The following CMTM8 variants were observed in gnomAD, a reference collection of about 807,000 sequenced individuals.
The protein encoded by CMTM8 is CKLF like MARVEL transmembrane domain containing 8, also known as CKLF-like MARVEL transmembrane domain-containing protein 8.
A neutral mutation model predicts 18.6 loss-of-function variants in CMTM8; 12 were observed. The ratio of observed to expected loss-of-function variants is 0.65; its 90% CI spans 0.41 to 1.05. CMTM8 has a LOEUF of 1.05. Among genes scored for constraint, CMTM8 ranks in the 50% least tolerant of loss-of-function variants. The pLI is 0.00. For synonymous variants in CMTM8, 87 were observed against 90.6 expected (o/e 0.96, Z 0.23); for missense variants, 217 against 227.2 (o/e 0.95, Z 0.29).
At chr3:32,369,531 A>T (rs1695606815) in intron 3 of CMTM8, among the ~76,000 whole-genome samples, 2 of 152,038 alleles carry the variant, frequency 1.3e-5, no homozygotes, top group African/African-American at 4.8e-5. Flanking sequence ...CGACTCATTT[A>T]TGTGAACTGA....
intron 1 of CMTM8, among the ~76,000 whole-genome samples, chr3:32,281,995 G>A (rs373427814): frequency 6.6e-6 from 1 of 151,556 alleles, no homozygotes; most frequent in African/African-American, 2.4e-5. Context: ...CCTCTTTTCC[G>A]TCTACACTCA....
In CMTM8 at chr3:32,288,861, T is replaced by C. The variant is rs377688662; in HGVS notation, c.147+49742T>C. 2.0e-4 allele frequency among the ~76,000 whole-genome samples: 31 copies of C among 152,300 alleles called. No homozygotes were observed. In the East Asian group the frequency reaches 2.1e-3, roughly 10 times the overall value. ...TGAGCTATCTCAGTCGAATTTCCTA[T>C]AACTATGAATTAGTTGAGGTACATG... On this transcript the variant is annotated intron_variant, in intron 1 of 3. Transcript: ENST00000307526.
chr3:32,275,907 C>T (rs1391116756), intron 1 of CMTM8, among the ~76,000 whole-genome samples: 1 of 152,114 alleles, frequency 6.6e-6, no homozygotes, highest in Non-Finnish European at 1.5e-5. Context: ...GACTCAGCCT[C>T]CCAAAGTCTG....
chr3:32,332,695 C>T (rs766116112), intron 1 of CMTM8, among the ~76,000 whole-genome samples: 4 of 152,122 alleles, frequency 2.6e-5, no homozygotes, highest in South Asian at 2.1e-4. Flanking sequence ...AGAGACCACT[C>T]GATGGGGCCT....
intron 1 of CMTM8, among the ~76,000 whole-genome samples, chr3:32,336,180 A>G (rs1051120307): frequency 2.0e-5 from 3 of 152,202 alleles, no homozygotes; most frequent in Non-Finnish European, 2.9e-5. Flanking sequence ...CAGTTGTACA[A>G]TTGCATCTGA....
intron 1 of CMTM8, among the ~76,000 whole-genome samples, chr3:32,310,822 A>G (rs533300801): frequency 6.6e-6 from 1 of 152,370 alleles, no homozygotes; most frequent in Non-Finnish European, 1.5e-5. Flanking sequence ...GAAATTTGGA[A>G]ATACACAAAG....
At chr3:32,351,427 G>C (rs1166726337) in intron 1 of CMTM8, among the ~76,000 whole-genome samples, 1 of 152,178 alleles carries the variant, frequency 6.6e-6, no homozygotes, top group African/African-American at 2.4e-5. Flanking sequence ...AATTATGTCG[G>C]CCAGGCATGG....
chr3:32,368,330 C>T (rs1441970203), intron 3 of CMTM8, among the ~76,000 whole-genome samples: 2 of 151,856 alleles, frequency 1.3e-5, no homozygotes, highest in Non-Finnish European at 2.9e-5. Flanking sequence ...AATATAATTC[C>T]ATTTAGTTTT....
intron 1 of CMTM8, among the ~76,000 whole-genome samples, chr3:32,329,689 T>C (rs1229460305): frequency 6.6e-6 from 1 of 152,206 alleles, no homozygotes; most frequent in African/African-American, 2.4e-5. Flanking sequence ...AAAAGCTTTT[T>C]GTCTAAGACT....
At chr3:32,256,984 G>A (rs1405921799) in intron 1 of CMTM8, among the ~76,000 whole-genome samples, 2 of 152,098 alleles carry the variant, frequency 1.3e-5, no homozygotes, top group Admixed American at 6.5e-5. Context: ...TTTTGAAATT[G>A]TTTCCCTATC....
At chr3:32,292,461 CA>C (rs1269164718) in intron 1 of CMTM8, among the ~76,000 whole-genome samples, 1 of 152,126 alleles carries the variant, frequency 6.6e-6, no homozygotes, top group Non-Finnish European at 1.5e-5. Flanking sequence ...ATTCAATTTT[CA>C]AATAGGCATA....
chr3:32,278,422 C>T (rs1702551627), intron 1 of CMTM8, among the ~76,000 whole-genome samples: 1 of 152,168 alleles, frequency 6.6e-6, no homozygotes, highest in African/African-American at 2.4e-5. Context: ...CTCCAGTCTT[C>T]CCGTAATTGA....
chr3:32,366,728 A>G (rs6550123), intron 2 of CMTM8, among the ~76,000 whole-genome samples: 84,207 of 151,744 alleles, frequency 0.55, 23,631 homozygotes, highest in East Asian at 0.75. Flanking sequence ...TACCAGTAAG[A>G]GCTTTTGTGT....
intron 1 of CMTM8, among the ~76,000 whole-genome samples, chr3:32,242,427 T>A (rs1405174226): frequency 6.6e-6 from 1 of 152,078 alleles, no homozygotes; most frequent in Admixed American, 6.5e-5. Flanking sequence ...GCTCAAGTGA[T>A]CCTCCCACCT....
intron 1 of CMTM8, among the ~76,000 whole-genome samples, chr3:32,331,121 A>G (rs1696266012): frequency 6.6e-6 from 1 of 152,224 alleles, no homozygotes; most frequent in African/African-American, 2.4e-5. Flanking sequence ...CTCAACAACA[A>G]CAACAATAAA....
intron 1 of CMTM8, among the ~76,000 whole-genome samples, chr3:32,273,647 A>G (rs1259328628): frequency 1.3e-5 from 2 of 152,226 alleles, no homozygotes; most frequent in African/African-American, 4.8e-5. Context: ...ACATGCATAG[A>G]AACAGCAAGT....
chr3:32,272,160 G>T (rs139749305), intron 1 of CMTM8, among the ~76,000 whole-genome samples: 141 of 152,172 alleles, frequency 9.3e-4, no homozygotes, highest in African/African-American at 3.3e-3. Flanking sequence ...TATCTTACTG[G>T]TCTCCATGGT....
chr3:32,244,999 C>G (rs1701991353), intron 1 of CMTM8, among the ~76,000 whole-genome samples: 1 of 152,108 alleles, frequency 6.6e-6, no homozygotes, highest in Admixed American at 6.5e-5. Context: ...AAATAACGTA[C>G]TGTGTTTTAT....
At chr3:32,288,666 A>C (rs1702725862) in intron 1 of CMTM8, among the ~76,000 whole-genome samples, 1 of 151,952 alleles carries the variant, frequency 6.6e-6, no homozygotes, top group Admixed American at 6.6e-5. Flanking sequence ...ACGCCCAGCT[A>C]ATTTTTTGTA....
Sources: gnomAD v4.1 joint callset for allele counts (sites outside exome capture counted in the v4.1 genomes callset) on GRCh38, gnomAD v4.1.1 for gene constraint, MANE v1.5 for transcripts, NCBI Gene and HGNC (gene_info 2026-07-23, HGNC 2026-07-21) for gene names.